The following CLYBL variants were observed in gnomAD, a reference collection of about 807,000 sequenced individuals.
CLYBL encodes citramalyl-CoA lyase, mitochondrial.
A neutral mutation model predicts 38.9 loss-of-function variants in CLYBL; 31 were observed. The observed-to-expected ratio is 0.80, with a 90% confidence interval of 0.60 to 1.08. The LOEUF (loss-of-function observed/expected upper bound fraction) is 1.08. CLYBL is among the 50% of genes least tolerant of loss of function. The pLI, the probability that CLYBL is intolerant of heterozygous loss-of-function variation, is 0.00. For synonymous variants in CLYBL, 171 were observed against 158.6 expected, an observed-to-expected ratio of 1.08 and a Z score of -0.59; for missense variants, 434 against 411.6, an observed-to-expected ratio of 1.05 and a Z score of -0.47.
At chr13:99,861,774 G>GTGAT (rs1476483984) in intron 3 of CLYBL, among the ~76,000 whole-genome samples, 1 of 152,144 alleles carries the variant, frequency 6.6e-6, no homozygotes, top group Non-Finnish European at 1.5e-5. Context: ...AAAGATCCCA[G>GTGAT]TGATTAGATT....
intron 8 of CLYBL, chr13:99,892,195 A>G (rs2052506812): frequency 6.6e-6 from 1 of 152,148 alleles, no homozygotes; most frequent in Non-Finnish European, 1.5e-5. Context: ...CTGGAAATGT[A>G]TGGCTGGGAC....
intron 2 of CLYBL, among the ~76,000 whole-genome samples, chr13:99,785,963 ATG>A (rs201216879): frequency 0.011 from 1,648 of 152,152 alleles, 10 homozygotes; most frequent in Non-Finnish European, 0.018. Flanking sequence ...ACTATGGAGA[ATG>A]AGGATTTATC....
intron 1 of CLYBL, among the ~76,000 whole-genome samples, chr13:99,686,579 T>G (rs2047821616): frequency 6.6e-6 from 1 of 152,214 alleles, no homozygotes; most frequent in Non-Finnish European, 1.5e-5. Flanking sequence ...TGGCTCAGTT[T>G]CAGTAATGCA....
intron 1 of CLYBL, among the ~76,000 whole-genome samples, chr13:99,669,364 A>G (rs1181338291): frequency 2.6e-5 from 4 of 152,148 alleles, no homozygotes; most frequent in Non-Finnish European, 4.4e-5. Flanking sequence ...AAGAACATGT[A>G]GCTTGTCCTT....
chr13:99,611,654 G>A (rs899892221), intron 1 of CLYBL, among the ~76,000 whole-genome samples: 1 of 152,226 alleles, frequency 6.6e-6, no homozygotes, highest in Non-Finnish European at 1.5e-5. Context: ...GGATGTGTTG[G>A]AGAGTTCCCG....
chr13:99,655,492 G>T (rs557165263), intron 1 of CLYBL, among the ~76,000 whole-genome samples: 1 of 152,370 alleles, frequency 6.6e-6, no homozygotes, highest in East Asian at 1.9e-4. Flanking sequence ...GGACAGAAAT[G>T]CAAGTCAGTG....
intron 1 of CLYBL, among the ~76,000 whole-genome samples, chr13:99,687,149 A>G (rs893986514): frequency 2.6e-5 from 4 of 152,116 alleles, no homozygotes; most frequent in African/African-American, 7.2e-5. Context: ...CTCCTCCTCA[A>G]TCTCAATAGG....
chr13:99,852,708 T>C (rs1347349426), intron 2 of CLYBL, among the ~76,000 whole-genome samples: 1 of 139,772 alleles, frequency 7.2e-6, no homozygotes, highest in Non-Finnish European at 1.5e-5. Flanking sequence ...CTCCAAAAAT[T>C]GTCAGTGTTT....
At chr13:99,813,524 G>T (rs2050382756) in intron 2 of CLYBL, among the ~76,000 whole-genome samples, 1 of 152,128 alleles carries the variant, frequency 6.6e-6, no homozygotes, top group Admixed American at 6.6e-5. Context: ...TGACTAACAG[G>T]ATAGACTTTG....
At chr13:99,734,411 A>C (rs74771765) in intron 1 of CLYBL, among the ~76,000 whole-genome samples, 2,256 of 152,252 alleles carry the variant, frequency 0.015, 27 homozygotes, top group South Asian at 0.031. Flanking sequence ...ATTAAAAAAA[A>C]AAAACAAAAC....
intron 9 of CLYBL, among the ~76,000 whole-genome samples, chr13:99,906,065 C>G (rs190503545): frequency 4.9e-4 from 75 of 152,314 alleles, no homozygotes; most frequent in South Asian, 1.5e-3. Context: ...TGAGCCATGA[C>G]ACTCTGCCAG....
At chr13:99,900,311 C>T (rs1258240692), downstream of CLYBL, among the ~76,000 whole-genome samples, 1 of 152,128 alleles carries the variant, frequency 6.6e-6, no homozygotes, top group African/African-American at 2.4e-5. Context: ...GAAAGGGCGG[C>T]ACACTCCCAC....
rs1023195921 is a variant in CLYBL, at chr13:99,608,399, G to A, written c.62+1642G>A. Among the ~76,000 whole-genome samples the A allele has an allele frequency of 2.0e-5, 3 of 152,256 alleles. No individual in the cohort carries two copies. In the East Asian group the frequency reaches 5.8e-4, roughly 29 times the overall value. On this transcript the variant is annotated intron_variant, in intron 1 of 8. Transcript: ENST00000339105. ...GGGTCTGAACTTCTTACGTCTTCTT[G>A]CACTGTGACTCTTCAGTCACCCATG...
At chr13:99,609,826 A>G (rs988774265) in intron 1 of CLYBL, among the ~76,000 whole-genome samples, 2 of 152,198 alleles carry the variant, frequency 1.3e-5, no homozygotes, top group Non-Finnish European at 2.9e-5. Context: ...ATGAGCCATC[A>G]TGCCCGGCCC....
chr13:99,867,460 G>C (rs1240819943), intron 6 of CLYBL, among the ~76,000 whole-genome samples: 1 of 151,810 alleles, frequency 6.6e-6, no homozygotes, highest in Admixed American at 6.6e-5. Context: ...CTCTGAGTTT[G>C]TTCTTGTGTT....
intron 1 of CLYBL, among the ~76,000 whole-genome samples, chr13:99,737,636 G>A (rs534674186): frequency 1.3e-3 from 205 of 152,306 alleles, no homozygotes; most frequent in South Asian, 3.1e-3. Flanking sequence ...GAGGAGTCAT[G>A]TGCGCAAGAG....
chr13:99,755,199 A>G (rs1281575547), intron 1 of CLYBL, among the ~76,000 whole-genome samples: 2 of 152,102 alleles, frequency 1.3e-5, no homozygotes, highest in African/African-American at 4.8e-5. Context: ...GCCCGGCCCT[A>G]GATGATCTCT....
chr13:99,863,895 C>T (rs1473149608), intron 4 of CLYBL, among the ~76,000 whole-genome samples: 1 of 152,122 alleles, frequency 6.6e-6, no homozygotes, highest in Non-Finnish European at 1.5e-5. Context: ...TCGAACTGTA[C>T]TGGAGAGAGA....
intron 2 of CLYBL, among the ~76,000 whole-genome samples, chr13:99,852,469 T>C (rs989259389): frequency 1.3e-5 from 2 of 152,198 alleles, no homozygotes; most frequent in African/African-American, 4.8e-5. Flanking sequence ...GCCACTGAAT[T>C]GTACACTTAG....
Sources: gnomAD v4.1 joint callset for allele counts (sites outside exome capture counted in the v4.1 genomes callset) on GRCh38, gnomAD v4.1.1 for gene constraint, MANE v1.5 for transcripts, NCBI Gene and HGNC (gene_info 2026-07-23, HGNC 2026-07-21) for gene names.